POC1A: variants seen among roughly 807,000 people sequenced by gnomAD.
POC1A encodes the protein POC1 centriolar protein A.
A neutral mutation model predicts 47.8 loss-of-function variants in POC1A; 34 were observed. The observed-to-expected ratio is 0.71, with a 90% CI of 0.54 to 0.95. POC1A has a LOEUF of 0.95. Among genes scored for constraint, POC1A ranks in the 40% least tolerant of loss-of-function variants. POC1A has a pLI of 0.00. For missense variants in POC1A, 466 were observed against 528.3 expected, an observed-to-expected ratio of 0.88 and a Z score of 1.16; for synonymous variants, 177 against 207.6, an observed-to-expected ratio of 0.85 and a Z score of 1.27.
intron 7 of POC1A, among the ~76,000 whole-genome samples, chr3:52,137,728 G>T (rs1421659126): frequency 6.6e-6 from 1 of 152,162 alleles, no homozygotes; most frequent in African/African-American, 2.4e-5. Flanking sequence ...CAAACATGAA[G>T]AAGACTTCCC....
intron 6 of POC1A, among the ~76,000 whole-genome samples, chr3:52,144,561 A>G (rs1440445497): frequency 6.6e-6 from 1 of 152,074 alleles, no homozygotes; most frequent in Non-Finnish European, 1.5e-5. Flanking sequence ...CATCACTAAC[A>G]TTGTACCTCC....
intron 9 of POC1A, among the ~76,000 whole-genome samples, chr3:52,104,388 T>C (rs528118153): frequency 4.6e-5 from 7 of 152,346 alleles, no homozygotes; most frequent in Non-Finnish European, 8.8e-5. Context: ...ATTCTATATC[T>C]TGATTGTGGT....
intron 9 of POC1A, among the ~76,000 whole-genome samples, chr3:52,115,135 T>C (rs1176847738): frequency 6.6e-6 from 1 of 151,982 alleles, no homozygotes; most frequent in African/African-American, 2.4e-5. Flanking sequence ...AAGCCAACAG[T>C]TCCCTTTAAT....
At position 52,147,211 on chromosome 3, in the gene POC1A, C is replaced by T. The variant is rs556348529; in HGVS notation, c.456-116G>A. The T allele has an allele frequency of 2.1e-3, 1,557 of 736,678 alleles. 3 individuals are homozygous for T. Among genetic ancestry groups the T allele is most frequent in the Non-Finnish European group, 3.3e-3 (1,401 of 423,538 alleles). 45.6% of individuals were successfully genotyped at this position (736,678 alleles called of 1,614,324 possible). A position where few individuals can be genotyped will look rare whatever the true frequency, so the allele number is the denominator to read the frequency against. On this transcript the variant is annotated intron_variant, in intron 4 of 10. Transcript: ENST00000296484. ...CTACTATCTGCCTGCAGGAACCACC[C>T]GGGGTCACATGCCCTGCTGTGATTT... is the stretch of plus-strand genomic sequence containing the variant.
At chr3:52,109,345 G>A (rs532205344) in intron 9 of POC1A, among the ~76,000 whole-genome samples, 1 of 152,226 alleles carries the variant, frequency 6.6e-6, no homozygotes, top group South Asian at 2.1e-4. Flanking sequence ...AAAATGTGGG[G>A]GAAACAGATG....
intron 7 of POC1A, among the ~76,000 whole-genome samples, chr3:52,130,057 C>T (rs1172360936): frequency 6.6e-6 from 1 of 152,244 alleles, no homozygotes; most frequent in Non-Finnish European, 1.5e-5. Flanking sequence ...CTTCTCCCGC[C>T]TGACTCTCAG....
intron 10 of POC1A, among the ~76,000 whole-genome samples, chr3:52,092,287 C>T (rs1356792349): frequency 6.6e-6 from 1 of 152,190 alleles, no homozygotes; most frequent in Admixed American, 6.5e-5. Flanking sequence ...TGGGCAAGAG[C>T]TTCTGGCCTT....
chr3:52,107,150 G>A lies in POC1A; in HGVS notation c.982-10438C>T, dbSNP rs918364275. ...AAGCAGCAAGAACATGCCTTGGCATGTGCGGTTCCTTCCCTGGAAGGGTTC... is the reference window on the plus strand; with the variant it reads ...AAGCAGCAAGAACATGCCTTGGCATATGCGGTTCCTTCCCTGGAAGGGTTC... On this transcript the variant is annotated intron_variant, in intron 9 of 10. Coordinates refer to ENST00000296484, the MANE Select transcript of POC1A (RefSeq NM_015426.5). Among the ~76,000 whole-genome samples the A allele has an allele frequency of 3.3e-5, 5 of 152,388 alleles. No individual in the cohort carries two copies. The East Asian group carries it at 7.7e-4, about 23-fold the overall frequency.
intron 8 of POC1A, among the ~76,000 whole-genome samples, chr3:52,124,886 G>T (rs1400207021): frequency 6.6e-6 from 1 of 152,184 alleles, no homozygotes; most frequent in Non-Finnish European, 1.5e-5. Context: ...TGAGGATTCT[G>T]AGATGCAGCC....
At chr3:52,099,169 G>A (rs376290516) in intron 9 of POC1A, among the ~76,000 whole-genome samples, 8 of 152,156 alleles carry the variant, frequency 5.3e-5, no homozygotes, top group Middle Eastern at 3.2e-3. Flanking sequence ...TGAACTCAGA[G>A]CAGGCCCTCC....
chr3:52,077,026 AG>A (rs1468869621), intron 10 of POC1A, among the ~76,000 whole-genome samples: 1 of 152,274 alleles, frequency 6.6e-6, no homozygotes, highest in East Asian at 1.9e-4. Context: ...GCTGGACCAG[AG>A]CAAGCCTGCC....
chr3:52,132,457 C>T (rs888935858), intron 7 of POC1A, among the ~76,000 whole-genome samples: 2 of 152,134 alleles, frequency 1.3e-5, no homozygotes, highest in Non-Finnish European at 2.9e-5. Context: ...CAGCACTTGG[C>T]CTCAATCAAA....
chr3:52,124,203 G>A (rs758595185), intron 8 of POC1A, among the ~76,000 whole-genome samples: 2 of 152,240 alleles, frequency 1.3e-5, no homozygotes, highest in Admixed American at 6.5e-5. Flanking sequence ...GCACAGAACA[G>A]CCACCCTTTC....
chr3:52,152,844 G>A (rs1169745269), intron 1 of POC1A, among the ~76,000 whole-genome samples: 1 of 152,200 alleles, frequency 6.6e-6, no homozygotes, highest in Non-Finnish European at 1.5e-5. Flanking sequence ...CGACTGAAGT[G>A]CTGATGCTTG....
chr3:52,153,183 A>G (rs907882775), intron 1 of POC1A, among the ~76,000 whole-genome samples: 2 of 152,262 alleles, frequency 1.3e-5, no homozygotes, highest in Admixed American at 6.5e-5. Context: ...ATAACTTAAT[A>G]AAGTTAAAAC....
chr3:52,109,046 A>T (rs1241025661), intron 9 of POC1A, among the ~76,000 whole-genome samples: 1 of 152,162 alleles, frequency 6.6e-6, no homozygotes. Flanking sequence ...CCCTTCCCCA[A>T]GCCCAAGACA....
intron 2 of POC1A, among the ~76,000 whole-genome samples, 165 bp from the exon 3 acceptor site, chr3:52,150,152 G>T (rs988211502): frequency 6.6e-6 from 1 of 152,198 alleles, no homozygotes; most frequent in African/African-American, 2.4e-5. Context: ...CTCGAGGTAT[G>T]GTCTGGAGGT....
rs1702093146 is a variant in POC1A at position 52,075,626 on chromosome 3, A to G, written c.*261T>C. 3.0e-6 allele frequency: 1 copy of G among 329,288 alleles called. No homozygotes were observed. Among genetic ancestry groups the G allele is most frequent in the Non-Finnish European group, 5.9e-6 (1 of 169,522 alleles). 20.4% of individuals were successfully genotyped at this position (329,288 alleles called of 1,614,324 possible). ...AGACATTTTCAAGTGGCTCCTTTAC[A>G]TTAAGCAAAATGTGGTCCTCTCATT... On this transcript the variant is annotated 3_prime_UTR_variant, in exon 11 of 11. Coordinates refer to ENST00000296484, the MANE Select transcript of POC1A (RefSeq NM_015426.5).
At chr3:52,082,436 A>G (rs1392395143) in intron 10 of POC1A, among the ~76,000 whole-genome samples, 1 of 152,210 alleles carries the variant, frequency 6.6e-6, no homozygotes, top group Non-Finnish European at 1.5e-5. Flanking sequence ...GGCTCTCAGT[A>G]GCTGGACAGT....
Sources: gnomAD v4.1 joint callset for allele counts (sites outside exome capture counted in the v4.1 genomes callset) on GRCh38, gnomAD v4.1.1 for gene constraint, MANE v1.5 for transcripts, NCBI Gene and HGNC (gene_info 2026-07-23, HGNC 2026-07-21) for gene names.